Variants in MAP3K5 observed in about 807,000 individuals in gnomAD.
MAP3K5 encodes the protein ASK-1.
MAP3K5 carries 56 observed loss-of-function variants against 158.7 expected under a neutral mutation model. The observed-to-expected ratio is 0.35, with a 90% CI of 0.28 to 0.44. The LOEUF (loss-of-function observed/expected upper bound fraction) is 0.44, where lower values mean the gene tolerates loss of function less well. Ranked by LOEUF, MAP3K5 falls within the 20% of genes least tolerant of loss-of-function variation. The pLI, the probability that MAP3K5 is intolerant of heterozygous loss-of-function variation, is 1.00. For missense variants in MAP3K5, 1,294 were observed against 1,674.8 expected (o/e 0.77, Z 3.97); for synonymous variants, 579 against 601.7 (o/e 0.96, Z 0.55).
At chr6:136,574,741 T>G (rs899304304) in intron 25 of MAP3K5, among the ~76,000 whole-genome samples, 1 of 140,008 alleles carries the variant, frequency 7.1e-6, no homozygotes, top group African/African-American at 2.7e-5. Flanking sequence ...CAGGCTGGAG[T>G]GCAGTGGCAC....
chr6:136,720,433 G>C lies in MAP3K5; in HGVS notation c.588+17C>G, dbSNP rs1309766351. The C allele has an allele frequency of 1.3e-6, 2 of 1,553,628 alleles. No individual in the cohort carries two copies. Among genetic ancestry groups the C allele is most frequent in the African/African-American group, 2.8e-5 (2 of 72,426 alleles). Reference sequence around the variant, plus strand: ...TGCTGATGTTAAAATGAAACATTCAGTAAACAAGGGAGGTACCTTCAGTGA... The same window carrying C: ...TGCTGATGTTAAAATGAAACATTCACTAAACAAGGGAGGTACCTTCAGTGA... On this transcript the variant is annotated intron_variant, in intron 2 of 29. Coordinates refer to ENST00000359015, the MANE Select transcript of MAP3K5 (RefSeq NM_005923.4).
rs1247111813 is a variant in MAP3K5 at position 136,792,207 on chromosome 6, C to A, written c.-50G>T. On this transcript the variant is annotated 5_prime_UTR_variant, in exon 1 of 30. Coordinates refer to ENST00000359015, the MANE Select transcript of MAP3K5 (RefSeq NM_005923.4). The surrounding 1 kb of genome is among the most constrained non-coding windows in gnomAD (Gnocchi z 5.7). The stretch of plus-strand genomic sequence containing the variant: ...GGCGGCGTCCCCCGCCCAGCCGCAC[C>A]GCCTGGCCAGCCACAGCTCGGGGCT... The A allele has an allele frequency of 7.9e-6, 12 of 1,515,388 alleles. No individual in the cohort carries two copies. The highest frequency in any genetic ancestry group is 9.7e-6 in the Non-Finnish European group (11 of 1,136,284). The allele number at this position is 1,515,388 out of a possible 1,614,324, so 93.9% of individuals were successfully genotyped here. A position where few individuals can be genotyped will look rare whatever the true frequency, so the allele number is the denominator to read the frequency against.
intron 7 of MAP3K5, among the ~76,000 whole-genome samples, chr6:136,673,464 T>G (rs192429158): frequency 1.3e-5 from 2 of 152,094 alleles, no homozygotes; most frequent in Admixed American, 1.3e-4. Context: ...AGACAAGGAC[T>G]TTAAGATAAT....
intron 1 of MAP3K5, among the ~76,000 whole-genome samples, chr6:136,761,288 TA>T (rs368661488): frequency 1.4e-3 from 165 of 118,408 alleles, no homozygotes; most frequent in Middle Eastern, 4.5e-3. Flanking sequence ...ACCCTAACTT[TA>T]AAAAAAAAAA....
intron 1 of MAP3K5, among the ~76,000 whole-genome samples, chr6:136,743,090 A>AAAAAAG (rs920459313): frequency 4.6e-5 from 7 of 152,036 alleles, no homozygotes; most frequent in African/African-American, 1.7e-4. Context: ...TGTCTCTAAA[A>AAAAAAG]AAAAAGAAAA....
intron 6 of MAP3K5, among the ~76,000 whole-genome samples, chr6:136,695,247 C>T (rs1486583604): frequency 6.6e-6 from 1 of 152,154 alleles, no homozygotes; most frequent in Non-Finnish European, 1.5e-5. Flanking sequence ...AAGCGATTCT[C>T]CTGCCTCAGC....
At chr6:136,590,615 A>G (rs369634876) in intron 23 of MAP3K5, among the ~76,000 whole-genome samples, 36 of 148,846 alleles carry the variant, frequency 2.4e-4, no homozygotes, top group African/African-American at 8.2e-4. Flanking sequence ...ATCTCAGCTC[A>G]CTGCAAGCTC....
chr6:136,571,934 A>AACT (rs1367805036), intron 25 of MAP3K5, among the ~76,000 whole-genome samples: 2 of 152,178 alleles, frequency 1.3e-5, no homozygotes, highest in Non-Finnish European at 2.9e-5. Context: ...AGGCTAACCA[A>AACT]ACTTCACCTC....
intron 7 of MAP3K5, among the ~76,000 whole-genome samples, chr6:136,689,314 T>C (rs1780288303): frequency 6.6e-6 from 1 of 152,138 alleles, no homozygotes. Context: ...AAATAAAAGT[T>C]TTAAAAATAA....
At chr6:136,704,460 A>C in intron 3 of MAP3K5, among the ~76,000 whole-genome samples, 1 of 152,152 alleles carries the variant, frequency 6.6e-6, no homozygotes. Context: ...ATACACACAT[A>C]TGTGTGTGTA....
intron 15 of MAP3K5, among the ~76,000 whole-genome samples, chr6:136,617,044 C>T (rs1310978560): frequency 6.6e-6 from 1 of 152,082 alleles, no homozygotes; most frequent in East Asian, 1.9e-4. Flanking sequence ...TCAAAAGACT[C>T]CCACCTCCTG....
intron 1 of MAP3K5, among the ~76,000 whole-genome samples, chr6:136,789,774 T>C (rs975825973): frequency 7.0e-6 from 1 of 142,824 alleles, no homozygotes; most frequent in Non-Finnish European, 1.5e-5. Flanking sequence ...CTGCAACCTC[T>C]GCCTCCCAGG....
At chr6:136,764,953 T>C (rs1438454286) in intron 1 of MAP3K5, among the ~76,000 whole-genome samples, 2 of 152,190 alleles carry the variant, frequency 1.3e-5, no homozygotes, top group African/African-American at 4.8e-5. Flanking sequence ...TGAACATGTA[T>C]CTGCTTTGGG....
At chr6:136,673,961 C>G (rs1779595280) in intron 7 of MAP3K5, among the ~76,000 whole-genome samples, 1 of 151,792 alleles carries the variant, frequency 6.6e-6, no homozygotes, top group African/African-American at 2.4e-5. Flanking sequence ...GTCTAAATGC[C>G]AAAACATGTT....
At chr6:136,762,976 T>C (rs1783821166) in intron 1 of MAP3K5, among the ~76,000 whole-genome samples, 1 of 152,176 alleles carries the variant, frequency 6.6e-6, no homozygotes, top group African/African-American at 2.4e-5. Flanking sequence ...GCATTATGTA[T>C]CTTTTATTTA....
At chr6:136,618,055 C>G (rs761822546) in intron 15 of MAP3K5, among the ~76,000 whole-genome samples, 3 of 152,210 alleles carry the variant, frequency 2.0e-5, no homozygotes, top group Non-Finnish European at 4.4e-5. Flanking sequence ...TACCTCTTCC[C>G]TCTTACAACC....
intron 14 of MAP3K5, among the ~76,000 whole-genome samples, chr6:136,632,816 A>T (rs1777437300): frequency 6.6e-6 from 1 of 152,198 alleles, no homozygotes; most frequent in Non-Finnish European, 1.5e-5. Flanking sequence ...AATGGAGACC[A>T]AGGCTGGTTA....
chr6:136,572,470 T>C (rs1449354271), intron 25 of MAP3K5, among the ~76,000 whole-genome samples: 1 of 152,184 alleles, frequency 6.6e-6, no homozygotes, highest in Non-Finnish European at 1.5e-5. Flanking sequence ...TTGGTCAGGC[T>C]GGTCTCAAAC....
At chr6:136,634,642 C>A (rs533940614) in intron 14 of MAP3K5, among the ~76,000 whole-genome samples, 2 of 151,728 alleles carry the variant, frequency 1.3e-5, no homozygotes, top group Non-Finnish European at 2.9e-5. Flanking sequence ...TGCAGTGGTG[C>A]GATCTCGGCT....
Sources: allele counts gnomAD v4.1 joint callset (sites outside exome capture counted in the v4.1 genomes callset), GRCh38; gene constraint gnomAD v4.1.1; non-coding constraint Gnocchi (gnomAD v3.1); transcripts MANE v1.5; gene names NCBI Gene and HGNC (gene_info 2026-07-23, HGNC 2026-07-21).